The following ZC2HC1A variants were observed in gnomAD, a reference collection of about 807,000 sequenced individuals.
ZC2HC1A encodes zinc finger C2HC-type containing 1A.
Under a neutral mutation model 40.7 loss-of-function variants are expected in ZC2HC1A, and 28 were observed. The observed-to-expected ratio is 0.69, with a 90% CI of 0.51 to 0.94. The LOEUF (loss-of-function observed/expected upper bound fraction) is 0.94, where lower values mean the gene tolerates loss of function less well. ZC2HC1A is among the 40% of genes least tolerant of loss of function. The probability of loss-of-function intolerance (pLI) is 0.00; values close to 1 mark genes in which losing one functional copy is unlikely to be tolerated. For missense variants in ZC2HC1A, 389 were observed against 386.3 expected (o/e 1.01, Z -0.06); for synonymous variants, 129 against 129.2 (o/e 1.00, Z 0.01).
At chr8:78,705,528 G>T (rs1031928845) in intron 7 of ZC2HC1A, among the ~76,000 whole-genome samples, 1 of 152,202 alleles carries the variant, frequency 6.6e-6, no homozygotes, top group Non-Finnish European at 1.5e-5. Context: ...GACTCCAGTT[G>T]GGAGGCTCCA....
intron 4 of ZC2HC1A, among the ~76,000 whole-genome samples, chr8:78,688,369 C>G (rs1200898742): frequency 6.6e-6 from 1 of 151,924 alleles, no homozygotes; most frequent in African/African-American, 2.4e-5. Context: ...TTATTTCTTT[C>G]TTATGAGAGG....
Position 78,686,617 on chromosome 8 carries a change from A to G in ZC2HC1A, c.352+9A>G. 6.8e-7 allele frequency: 1 copy of G among 1,468,280 alleles called. No homozygotes were observed. The highest frequency in any genetic ancestry group is 1.6e-5 in the South Asian group (1 of 63,036). The allele number at this position is 1,468,280 out of a possible 1,614,324, so 91.0% of individuals were successfully genotyped here. On this transcript the variant is annotated intron_variant, in intron 4 of 8. Transcript: ENST00000263849. The stretch of plus-strand genomic sequence containing the variant: ...ACCTTCTTATGATCCTGGTATTTGG[A>G]ATATTGTTGACAGAAATGTTCATGT...
intron 1 of ZC2HC1A, among the ~76,000 whole-genome samples, chr8:78,671,529 A>G (rs1809438370): frequency 6.6e-6 from 1 of 152,204 alleles, no homozygotes; most frequent in Non-Finnish European, 1.5e-5. Flanking sequence ...GATTGCCTGC[A>G]TGCCTTGGAA....
intron 7 of ZC2HC1A, among the ~76,000 whole-genome samples, chr8:78,711,799 G>T (rs1292644732): frequency 4.6e-5 from 7 of 151,918 alleles, no homozygotes; most frequent in Non-Finnish European, 1.0e-4. Flanking sequence ...AGAATTTTCA[G>T]ACCTAATAAT....
intron 4 of ZC2HC1A, among the ~76,000 whole-genome samples, chr8:78,687,636 A>ATATTTATGTAATACAT (rs1810042876): frequency 7.7e-6 from 1 of 129,986 alleles, no homozygotes; most frequent in Non-Finnish European, 1.6e-5. Context: ...GTAATACATT[A>ATATTTATGTAATACAT]TATATATATT....
rs189303823 is a variant in ZC2HC1A at position 78,677,632 on chromosome 8, A to G, written c.94-931A>G. Among the ~76,000 whole-genome samples, 69 of 151,424 alleles carry G rather than the reference A, an allele frequency of 4.6e-4. 1 individual carries two copies. The highest frequency in any genetic ancestry group is 1.6e-3 in the African/African-American group (66 of 41,274). ...TTTTCTTTTTCTAGTATCTATGTTC[A>G]GGCATTTAGTGGAGACTTTTTTTTT... is the stretch of plus-strand genomic sequence containing the variant. On this transcript the variant is annotated intron_variant, in intron 2 of 8. Transcript: ENST00000263849.
At position 78,718,032 on chromosome 8, in the gene ZC2HC1A, A is replaced by G. The variant is rs1811160571; in HGVS notation, c.*539A>G. 1 of 152,078 alleles carries G rather than the reference A, an allele frequency of 6.6e-6. No individual in the cohort carries two copies. The highest frequency in any genetic ancestry group is 2.4e-5 in the African/African-American group (1 of 41,442). The allele number at this position is 152,078 out of a possible 1,614,324, so 9.4% of individuals were successfully genotyped here. Reference sequence around the variant, plus strand: ...GAGCATGTCAACAAATTATTTCATAAATCCGAAAAACTAAGAGAAAAAAAA... The same window carrying G: ...GAGCATGTCAACAAATTATTTCATAGATCCGAAAAACTAAGAGAAAAAAAA... On this transcript the variant is annotated 3_prime_UTR_variant, in exon 9 of 9. Transcript: ENST00000263849.
At chr8:78,675,597 G>T in intron 1 of ZC2HC1A, 190 bp from the exon 2 acceptor site, 1 of 517,916 alleles carries the variant, frequency 1.9e-6, no homozygotes, top group Non-Finnish European at 3.4e-6. Context: ...TATTTATCCT[G>T]ACCTTTTTCA....
chr8:78,669,464 G>A (rs1206273048), intron 1 of ZC2HC1A, among the ~76,000 whole-genome samples: 2 of 141,806 alleles, frequency 1.4e-5, no homozygotes, highest in Non-Finnish European at 1.5e-5. Context: ...ATGTTAGCAG[G>A]TCCAGTATAG....
chr8:78,681,018 AAC>A (rs1809759845), intron 3 of ZC2HC1A, among the ~76,000 whole-genome samples: 1 of 152,088 alleles, frequency 6.6e-6, no homozygotes, highest in South Asian at 2.1e-4. Flanking sequence ...GCCCTTAGAA[AAC>A]ATTAGTGAAA....
At chr8:78,689,880 T>C (rs1810151958) in intron 5 of ZC2HC1A, among the ~76,000 whole-genome samples, 1 of 152,182 alleles carries the variant, frequency 6.6e-6, no homozygotes, top group African/African-American at 2.4e-5. Context: ...AATCTTTGCC[T>C]ATACTAGGAT....
intron 7 of ZC2HC1A, chr8:78,712,115 T>C (rs1183556800): frequency 7.1e-6 from 9 of 1,268,682 alleles, no homozygotes; most frequent in Non-Finnish European, 9.3e-6. Context: ...AAGTAAGTAT[T>C]TGTAACTCAG....
intron 7 of ZC2HC1A, among the ~76,000 whole-genome samples, chr8:78,709,182 T>C (rs1438097477): frequency 6.6e-6 from 1 of 152,186 alleles, no homozygotes; most frequent in Non-Finnish European, 1.5e-5. Flanking sequence ...GCACATTTAC[T>C]TTGGAGAGCA....
chr8:78,705,738 G>A (rs1202408360), intron 7 of ZC2HC1A, among the ~76,000 whole-genome samples: 2 of 152,166 alleles, frequency 1.3e-5, no homozygotes, highest in African/African-American at 4.8e-5. Flanking sequence ...TCTATCCCAG[G>A]GACTTTGCAA....
At chr8:78,717,033 A>G (rs1811127989) in intron 8 of ZC2HC1A, among the ~76,000 whole-genome samples, 1 of 152,054 alleles carries the variant, frequency 6.6e-6, no homozygotes, top group Non-Finnish European at 1.5e-5. Flanking sequence ...TCTTTTCTTT[A>G]TAAATTACCC....
chr8:78,706,233 G>T (rs2130582324), intron 7 of ZC2HC1A, among the ~76,000 whole-genome samples: 1 of 152,278 alleles, frequency 6.6e-6, no homozygotes, highest in Non-Finnish European at 1.5e-5. Flanking sequence ...CTTATCCTGT[G>T]AGGTGTTATG....
At chr8:78,680,538 T>C (rs908778179) in intron 3 of ZC2HC1A, among the ~76,000 whole-genome samples, 9 of 152,190 alleles carry the variant, frequency 5.9e-5, no homozygotes, top group Non-Finnish European at 1.2e-4. Flanking sequence ...ATTTGAATGT[T>C]GTAAGTGTAG....
intron 3 of ZC2HC1A, among the ~76,000 whole-genome samples, chr8:78,684,714 A>G (rs890638364): frequency 1.3e-5 from 2 of 152,348 alleles, no homozygotes; most frequent in Non-Finnish European, 2.9e-5. Flanking sequence ...TACTCAGCAA[A>G]CAGGCTCTTG....
chr8:78,717,476 C>T lies in ZC2HC1A; in HGVS notation c.961C>T (p.Arg321Ter), dbSNP rs770959996. Residue 321 changes from arginine (R) to a stop codon, truncating the protein, a stop_gained, in exon 9 of 9, where the codon CGA becomes TGA. Coordinates refer to ENST00000263849, the MANE Select transcript of ZC2HC1A (RefSeq NM_016010.3). LOFTEE classifies it high-confidence loss of function. Reference sequence around the variant, plus strand: ...CAAATTTTGCTGTGAATGTGGCATTCGAAGAATGATTCTATGAATAGAATC... The same window carrying T: ...CAAATTTTGCTGTGAATGTGGCATTTGAAGAATGATTCTATGAATAGAATC... The part of the protein sequence containing the change: ...WAKFCCECGI[R>*]RMIL The T allele has an allele frequency of 6.4e-6, 10 of 1,559,036 alleles. No homozygotes were observed. Among genetic ancestry groups the T allele is most frequent in the Non-Finnish European group, 8.6e-6 (10 of 1,158,668 alleles).
Sources: allele counts gnomAD v4.1 joint callset (sites outside exome capture counted in the v4.1 genomes callset), GRCh38; gene constraint gnomAD v4.1.1; transcripts MANE v1.5; gene names NCBI Gene and HGNC (gene_info 2026-07-23, HGNC 2026-07-21).